Variants in RNF213 observed in about 807,000 individuals in gnomAD.
RNF213 encodes the protein E3 ubiquitin-protein ligase RNF213.
In RNF213, 341 loss-of-function variants were observed where a neutral mutation model predicts 514.4. The observed-to-expected ratio is 0.66, with a 90% CI of 0.61 to 0.73. RNF213 has a LOEUF of 0.73. RNF213 is among the 30% of genes least tolerant of loss of function. The pLI is 0.00. For missense variants in RNF213, 5,767 were observed against 6,615.6 expected, an observed-to-expected ratio of 0.87 and a Z score of 4.45; for synonymous variants, 2,655 against 2,658.2, an observed-to-expected ratio of 1.00 and a Z score of 0.04.
chr17:80,390,196 G>C lies in RNF213; in HGVS notation c.15470G>C (p.Ser5157Thr). The C allele has an allele frequency of 6.2e-7, 1 of 1,613,982 alleles. No individual in the cohort carries two copies. The highest frequency in any genetic ancestry group is 1.1e-5 in the South Asian group (1 of 91,074). Residue 5157 changes from serine (S) to threonine (T), a missense_variant and splice_region_variant, in exon 67 of 68, where the codon AGC (serine) becomes ACC (threonine). Physicochemically the swap from Ser to Thr is moderately conservative, Grantham distance 58 (BLOSUM62 1). Coordinates refer to ENST00000582970, the MANE Select transcript of RNF213 (RefSeq NM_001256071.3). ...GAGGAGCGCTTCCGCCCTCAGTGGA[G>C]GTATGGATTTGCACACCTATGGGGC... is the stretch of plus-strand genomic sequence containing the variant. ...QTEERFRPQWSLRDTLVSYMQ... is the reference protein window; with the variant it reads ...QTEERFRPQWTLRDTLVSYMQ...
chr17:80,377,819 G>A lies in RNF213; in HGVS notation c.13545+23G>A, dbSNP rs2079822009. On this transcript the variant is annotated intron_variant, in intron 54 of 67. Transcript: ENST00000582970. This position sits in a 1 kb window ranked among gnomAD's most constrained non-coding sequence, Gnocchi z 4.1. ...GAGGTGAGTCTTGGTATTTAAGATA[G>A]GGTTTGAGGGGTGGCGTGCACTCCT... 6.2e-7 allele frequency: 1 copy of A among 1,613,904 alleles called. No homozygotes were observed. The highest frequency in any genetic ancestry group is 8.5e-7 in the Non-Finnish European group (1 of 1,179,870).
rs1020498766 is a variant in RNF213, at chr17:80,377,996, T to C, written c.13545+200T>C. 1.6e-4 allele frequency among the ~76,000 whole-genome samples: 24 copies of C among 152,156 alleles called. No individual in the cohort carries two copies. Among genetic ancestry groups the C allele is most frequent in the South Asian group, 4.1e-4 (2 of 4,826 alleles). Reference sequence around the variant, plus strand: ...GCCCAGGGCTTCTCAGACTCAGCACTGTGGACGTGGCTCTGCGGCGTGGGC... The same window carrying C: ...GCCCAGGGCTTCTCAGACTCAGCACCGTGGACGTGGCTCTGCGGCGTGGGC... On this transcript the variant is annotated intron_variant, in intron 54 of 67. Transcript: ENST00000582970. The surrounding 1 kb of genome is among the most constrained non-coding windows in gnomAD (Gnocchi z 4.1).
chr17:80,380,923 T>G lies in RNF213; in HGVS notation c.13733T>G (p.Val4578Gly), dbSNP rs750017208. The change falls in exon 56 of 68, where the codon GTC becomes GGC. Residue 4578 changes from valine to glycine, a missense_variant. This residue lies in a region of RNF213 where 1,245 missense variants were observed against 1,339.0 expected (regional missense o/e 0.93). Transcript: ENST00000582970. Reference sequence around the variant, plus strand: ...TGTGACCGAGGGCTGCCCCCAGTGGTCTTCCTCCTTATCCGGCTACTCACT... The same window carrying G: ...TGTGACCGAGGGCTGCCCCCAGTGGGCTTCCTCCTTATCCGGCTACTCACT... ...VTCDRGLPPV[V>G]FLLIRLLTHL... The G allele has an allele frequency of 6.2e-7, 1 of 1,614,108 alleles. No homozygotes were observed. The highest frequency in any genetic ancestry group is 8.5e-7 in the Non-Finnish European group (1 of 1,180,012).
chr17:80,290,750 G>A (rs745548240), intron 7 of RNF213, 22 bp downstream of exon 7: 1 of 1,614,026 alleles, frequency 6.2e-7, no homozygotes, highest in Non-Finnish European at 8.5e-7. Flanking sequence ...TGTAGGCTTG[G>A]GAGGAATCCC....
chr17:80,291,971 C>T, intron 8 of RNF213, 144 bp downstream of exon 8: 1 of 835,832 alleles, frequency 1.2e-6, no homozygotes, highest in Non-Finnish European at 2.0e-6. Flanking sequence ...GCCCCAGCCT[C>T]CAGGTTCAGT....
Position 80,369,665 on chromosome 17 carries a change from G to C in RNF213, c.12319G>C (p.Ala4107Pro), listed in dbSNP as rs772981081. 1.9e-6 allele frequency: 3 copies of C among 1,614,170 alleles called. No individual in the cohort carries two copies. The South Asian group carries it at 3.3e-5, about 18-fold the overall frequency. Residue 4107 changes from alanine to proline, a missense_variant, in exon 45 of 68, where the codon GCC (alanine) becomes CCC (proline). Around this residue, in one of 13 missense-constraint regions of RNF213, gnomAD observed 93 missense variants for 95.6 expected, o/e 0.97. Coordinates refer to ENST00000582970, the MANE Select transcript of RNF213 (RefSeq NM_001256071.3). ...FVQKGRLRDA[A>P]QRHCEHTKSL... ...CCAAAAGGGGCGCTTAAGAGATGCTGCCCAGAGTAGGTTGCTTTCTTCCTG... is the reference window on the plus strand; with the variant it reads ...CCAAAAGGGGCGCTTAAGAGATGCTCCCCAGAGTAGGTTGCTTTCTTCCTG...
In RNF213 at chr17:80,367,989, C is replaced by T. The variant is rs1568143191; in HGVS notation, c.12001C>T (p.Leu4001=). The T allele has an allele frequency of 6.2e-7, 1 of 1,614,260 alleles. No homozygotes were observed. The highest frequency in any genetic ancestry group is 8.5e-7 in the Non-Finnish European group (1 of 1,180,048). ...RFGIQPCSIC[L]GDAKDPVCLP... Reference sequence around the variant, plus strand: ...TGGGATTCAGCCGTGCTCCATCTGCCTGGGAGATGCAAAGGACCCCGTCTG... The same window carrying T: ...TGGGATTCAGCCGTGCTCCATCTGCTTGGGAGATGCAAAGGACCCCGTCTG... The change falls in exon 44 of 68, where the codon CTG becomes TTG. Residue 4001 remains leucine (L), a synonymous_variant. Transcript: ENST00000582970.
In RNF213 at chr17:80,334,092, C is replaced by G; in HGVS notation, c.4144-13C>G. The G allele has an allele frequency of 6.5e-7, 1 of 1,537,114 alleles. No individual in the cohort carries two copies. Among genetic ancestry groups the G allele is most frequent in the Non-Finnish European group, 8.7e-7 (1 of 1,146,848 alleles). ...TAATGAGTTCCAGTCCACAGTAGAG[C>G]TTTTTCTTGCAGACTGATAACTTCG... On this transcript the variant is annotated splice_polypyrimidine_tract_variant and intron_variant, in intron 21 of 67. Coordinates refer to ENST00000582970, the MANE Select transcript of RNF213 (RefSeq NM_001256071.3).
Position 80,361,871 on chromosome 17 carries a change from AC to A in RNF213, c.11339del (p.Thr3780ArgfsTer5). 1 of 1,613,192 alleles carries A rather than the reference AC, an allele frequency of 6.2e-7. No individual in the cohort carries two copies. Among genetic ancestry groups the A allele is most frequent in the Non-Finnish European group, 8.5e-7 (1 of 1,179,398 alleles). On this transcript the variant is annotated frameshift_variant, in exon 39 of 68. Coordinates refer to ENST00000582970, the MANE Select transcript of RNF213 (RefSeq NM_001256071.3). LOFTEE classifies it high-confidence loss of function. Reference sequence around the variant, plus strand: ...CATTCTCTTGACCATGCGTGTGTCAACGGAGGAGGAATTAAAGGTAGATGTT... The same window carrying A: ...CATTCTCTTGACCATGCGTGTGTCAAGGAGGAGGAATTAAAGGTAGATGTT... Reference protein sequence around the residue: ...DFILLTMRVSTEEELKFLQMA... With the variant: ...DFILLTMRVSXEEELKFLQMA...
rs150071649 is a variant in RNF213, at chr17:80,288,070, C to A, written c.517C>A (p.Pro173Thr). The change falls in exon 4 of 68, where the codon CCC (proline) becomes ACC (threonine). Residue 173 changes from proline (P) to threonine (T), a missense_variant. Around this residue, in one of 13 missense-constraint regions of RNF213, gnomAD observed 509 missense variants for 496.7 expected, o/e 1.02. Transcript: ENST00000582970. The surrounding 1 kb of genome is among the most constrained non-coding windows in gnomAD (Gnocchi z 4.9). ...CGCGCCCACCGAGGTTGGCGACAGCCCCCTGCAGGCCCAGGCTTTGGGAGA... is the reference window on the plus strand; with the variant it reads ...CGCGCCCACCGAGGTTGGCGACAGCACCCTGCAGGCCCAGGCTTTGGGAGA... ...LSAPTEVGDSPLQAQALGEAG... is the reference protein window; with the variant it reads ...LSAPTEVGDSTLQAQALGEAG... 159 of 1,608,482 alleles carry A rather than the reference C, an allele frequency of 9.9e-5. No individual in the cohort carries two copies. The African/African-American group carries it at 1.9e-3, about 20-fold the overall frequency.
At position 80,263,990 on chromosome 17, in the gene RNF213, G is replaced by A. The variant is rs904708116; in HGVS notation, c.97+212G>A. ...TGGCATAGATTAGTCTCCCACACAGGTCAAGCCAGGGGACCACCACCCAGT... is the reference window on the plus strand; with the variant it reads ...TGGCATAGATTAGTCTCCCACACAGATCAAGCCAGGGGACCACCACCCAGT... On this transcript the variant is annotated intron_variant, in intron 2 of 67. Coordinates refer to ENST00000582970, the MANE Select transcript of RNF213 (RefSeq NM_001256071.3). The surrounding 1 kb of genome is among the most constrained non-coding windows in gnomAD (Gnocchi z 4.9). 1.3e-5 allele frequency among the ~76,000 whole-genome samples: 2 copies of A among 152,158 alleles called. No homozygotes were observed. Among genetic ancestry groups the A allele is most frequent in the Admixed American group, 6.5e-5 (1 of 15,278 alleles).
intron 42 of RNF213, chr17:80,364,844 A>C (rs540540740): frequency 4.6e-5 from 19 of 408,840 alleles, no homozygotes; most frequent in South Asian, 3.8e-4. Context: ...AACCTTCGGC[A>C]GGGATTACCT....
chr17:80,268,853 G>T (rs1359187160), intron 2 of RNF213, among the ~76,000 whole-genome samples: 3 of 152,200 alleles, frequency 2.0e-5, no homozygotes, highest in African/African-American at 7.2e-5. Flanking sequence ...ACAAGGTGAA[G>T]TCCCATGGTA....
chr17:80,390,055 G>C lies in RNF213; in HGVS notation c.15329G>C (p.Ser5110Thr), dbSNP rs2080400471. The C allele has an allele frequency of 6.2e-7, 1 of 1,614,110 alleles. No individual in the cohort carries two copies. Among genetic ancestry groups the C allele is most frequent in the Non-Finnish European group, 8.5e-7 (1 of 1,180,056 alleles). The change falls in exon 67 of 68, where the codon AGC becomes ACC. Residue 5110 changes from serine (S) to threonine (T), a missense_variant. Around this residue, in one of 13 missense-constraint regions of RNF213, gnomAD observed 1,245 missense variants for 1,339.0 expected, o/e 0.93. Coordinates refer to ENST00000582970, the MANE Select transcript of RNF213 (RefSeq NM_001256071.3). Reference sequence around the variant, plus strand: ...AGTTCAAGGTACAAAGCGGATCTGAGCCCGGAAAATGCTAAGCTCCTCAGC... The same window carrying C: ...AGTTCAAGGTACAAAGCGGATCTGACCCCGGAAAATGCTAAGCTCCTCAGC... ...EISSRYKADL[S>T]PENAKLLSTF...
At chr17:80,341,565 G>T (rs1032691410) in intron 26 of RNF213, 1 of 152,052 alleles carries the variant, frequency 6.6e-6, no homozygotes, top group African/African-American at 2.4e-5. Flanking sequence ...GGTCCCATAA[G>T]ATTAGAAAAC....
chr17:80,312,235 C>T (rs2045595903), intron 14 of RNF213, among the ~76,000 whole-genome samples: 1 of 152,158 alleles, frequency 6.6e-6, no homozygotes, highest in African/African-American at 2.4e-5. Flanking sequence ...TGTATGCTTC[C>T]TGGGAAATGT....
rs1599232085 is a variant in RNF213, at chr17:80,393,793, A to G, written c.*295A>G. 5.2e-6 allele frequency: 2 copies of G among 387,544 alleles called. No homozygotes were observed. The highest frequency in any genetic ancestry group is 2.3e-5 in the South Asian group (1 of 44,266). The allele number at this position is 387,544 out of a possible 1,614,324, so 24.0% of individuals were successfully genotyped here. A position where few individuals can be genotyped will look rare whatever the true frequency, so the allele number is the denominator to read the frequency against. On this transcript the variant is annotated 3_prime_UTR_variant, in exon 68 of 68. Coordinates refer to ENST00000582970, the MANE Select transcript of RNF213 (RefSeq NM_001256071.3). ...TTGGAAATAAACCAACATTGTTTACATTCCAGGAGACTTGTAGCTCAGCCA... is the reference window on the plus strand; with the variant it reads ...TTGGAAATAAACCAACATTGTTTACGTTCCAGGAGACTTGTAGCTCAGCCA...
Position 80,288,674 on chromosome 17 carries a change from G to C in RNF213, c.852G>C (p.Gly284=), listed in dbSNP as rs768936570. 6.2e-7 allele frequency: 1 copy of C among 1,614,052 alleles called. No homozygotes were observed. The highest frequency in any genetic ancestry group is 8.5e-7 in the Non-Finnish European group (1 of 1,180,048). Reference sequence around the variant, plus strand: ...CTGAGCCAGCCAATGCAGTTAAAGGGGCCGGGAAGGAAATGAAAGAGAAGA... The same window carrying C: ...CTGAGCCAGCCAATGCAGTTAAAGGCGCCGGGAAGGAAATGAAAGAGAAGA... ...AVAEPANAVK[G]AGKEMKEKTQ... The change falls in exon 5 of 68, where the codon GGG becomes GGC. Residue 284 remains glycine, a synonymous_variant. Coordinates refer to ENST00000582970, the MANE Select transcript of RNF213 (RefSeq NM_001256071.3). The surrounding 1 kb of genome is among the most constrained non-coding windows in gnomAD (Gnocchi z 4.9).
intron 17 of RNF213, among the ~76,000 whole-genome samples, chr17:80,322,891 G>A (rs1599022969): frequency 6.6e-6 from 1 of 152,158 alleles, no homozygotes; most frequent in African/African-American, 2.4e-5. Context: ...TTTTGAAGAA[G>A]TTAGCATATC....
Sources: gnomAD v4.1 joint callset for allele counts (sites outside exome capture counted in the v4.1 genomes callset) on GRCh38, gnomAD v4.1.1 for gene constraint, gnomAD v4.1.1 regional missense constraint, Gnocchi (gnomAD v3.1) non-coding constraint, MANE v1.5 for transcripts, NCBI Gene and HGNC (gene_info 2026-07-23, HGNC 2026-07-21) for gene names.